The following IRF2 variants were observed in gnomAD, a reference collection of about 807,000 sequenced individuals.
The protein encoded by IRF2 is interferon regulatory factor 2.
A neutral mutation model predicts 40.6 loss-of-function variants in IRF2; 15 were observed. The ratio of observed to expected loss-of-function variants is 0.37; its 90% CI spans 0.25 to 0.57. IRF2 has a LOEUF of 0.57. Ranked by LOEUF, IRF2 falls within the 20% of genes least tolerant of loss-of-function variation. The probability of loss-of-function intolerance (pLI) is 0.77; values close to 1 mark genes in which losing one functional copy is unlikely to be tolerated. For synonymous variants in IRF2, 151 were observed against 165.5 expected (o/e 0.91, Z 0.67); for missense variants, 317 against 455.7 (o/e 0.70, Z 2.77).
chr4:184,411,552 C>T (rs1205786411), intron 5 of IRF2, among the ~76,000 whole-genome samples: 2 of 152,166 alleles, frequency 1.3e-5, no homozygotes, highest in African/African-American at 4.8e-5. Context: ...TCTGGACAGA[C>T]AGTACAGTCA....
chr4:184,424,936 A>G (rs10011243), intron 2 of IRF2, among the ~76,000 whole-genome samples: 102,605 of 152,096 alleles, frequency 0.67, 34,774 homozygotes, highest in South Asian at 0.72. Flanking sequence ...TCCCCTTCAA[A>G]TCCATGACAT....
intron 6 of IRF2, among the ~76,000 whole-genome samples, chr4:184,406,295 T>C (rs1579811173): frequency 1.3e-5 from 2 of 151,046 alleles, no homozygotes; most frequent in South Asian, 4.2e-4. Flanking sequence ...AGTGGTGCCA[T>C]CTTGGCTCAC....
rs1737140579 is a variant in IRF2, at chr4:184,413,241, C to T, written c.411+4926G>A. ...AAAGGCCTCCCTTACATATCAATTC[C>T]CGCCTGCTCTAAGTGTGCTACAAGG... On this transcript the variant is annotated intron_variant, in intron 5 of 8. Coordinates refer to ENST00000393593, the MANE Select transcript of IRF2 (RefSeq NM_002199.4). The surrounding 1 kb of genome is among the most constrained non-coding windows in gnomAD (Gnocchi z 4.2). Among the ~76,000 whole-genome samples, 1 of 152,182 alleles carries T rather than the reference C, an allele frequency of 6.6e-6. No individual in the cohort carries two copies. The highest frequency in any genetic ancestry group is 1.5e-5 in the Non-Finnish European group (1 of 68,024).
intron 1 of IRF2, among the ~76,000 whole-genome samples, chr4:184,462,770 C>A (rs984182758): frequency 6.6e-5 from 10 of 152,192 alleles, no homozygotes; most frequent in African/African-American, 2.2e-4. Flanking sequence ...AGTAACAAAT[C>A]CTAATGCAAA....
chr4:184,408,033 G>C lies in IRF2; in HGVS notation c.529+125C>G. 3.3e-6 allele frequency: 2 copies of C among 601,460 alleles called. No homozygotes were observed. The highest frequency in any genetic ancestry group is 2.9e-5 in the Admixed American group (1 of 34,224). The allele number at this position is 601,460 out of a possible 1,614,324, so 37.3% of individuals were successfully genotyped here. ...CCTTGAAATCTGGGGGCTGGAACTTGCATTCTGAGATGATTCCAAGACCTC... is the reference window on the plus strand; with the variant it reads ...CCTTGAAATCTGGGGGCTGGAACTTCCATTCTGAGATGATTCCAAGACCTC... On this transcript the variant is annotated intron_variant, in intron 6 of 8. Transcript: ENST00000393593. This position sits in a 1 kb window ranked among gnomAD's most constrained non-coding sequence, Gnocchi z 4.9.
At chr4:184,441,682 T>A (rs551719351) in intron 1 of IRF2, among the ~76,000 whole-genome samples, 1 of 152,272 alleles carries the variant, frequency 6.6e-6, no homozygotes, top group South Asian at 2.1e-4. Flanking sequence ...GTTGTCAATA[T>A]CCTCCACCAT....
In IRF2 at chr4:184,388,803, G is replaced by C; in HGVS notation, c.1005C>G (p.Ile335Met). 1 of 1,613,632 alleles carries C rather than the reference G, an allele frequency of 6.2e-7. No individual in the cohort carries two copies. The highest frequency in any genetic ancestry group is 8.5e-7 in the Non-Finnish European group (1 of 1,180,018). The part of the protein sequence containing the change: ...RPDRETRASV[I>M]KKTSDITQAR... ...CCTGGGTGATATCCGATGTTTTCTT[G>C]ATGACGCTGGCCCGGGTCTCCCGGT... Residue 335 changes from isoleucine (I) to methionine (M), a missense_variant, in exon 9 of 9, where the codon ATC (isoleucine) becomes ATG (methionine). This residue lies in a region of IRF2 where 262 missense variants were observed against 334.0 expected (regional missense o/e 0.78). Transcript: ENST00000393593. The surrounding 1 kb of genome is among the most constrained non-coding windows in gnomAD (Gnocchi z 4.6).
chr4:184,389,802 T>G (rs1736188434), intron 8 of IRF2, among the ~76,000 whole-genome samples: 1 of 152,170 alleles, frequency 6.6e-6, no homozygotes, highest in Non-Finnish European at 1.5e-5. Flanking sequence ...CCAGTCAACC[T>G]GAGCCAACCT....
intron 6 of IRF2, chr4:184,407,160 C>CA (rs1186554664): frequency 5.4e-6 from 7 of 1,286,778 alleles, no homozygotes; most frequent in East Asian, 5.6e-5. Context: ...GGTTTAAATA[C>CA]AAAAAAAGCA....
chr4:184,447,893 G>C (rs528479211), intron 1 of IRF2, among the ~76,000 whole-genome samples: 15 of 152,240 alleles, frequency 9.9e-5, no homozygotes, highest in Non-Finnish European at 2.2e-4. Flanking sequence ...CCTGCTGCAA[G>C]GGACATGACT....
At chr4:184,427,176 G>A (rs188136296) in intron 2 of IRF2, among the ~76,000 whole-genome samples, 224 of 152,320 alleles carry the variant, frequency 1.5e-3, no homozygotes, top group African/African-American at 5.1e-3. Context: ...TTTGGAAGAA[G>A]CTGATTACAT....
chr4:184,445,916 TCA>T (rs1738490846), intron 1 of IRF2, among the ~76,000 whole-genome samples: 1 of 151,242 alleles, frequency 6.6e-6, no homozygotes, highest in African/African-American at 2.4e-5. Context: ...TTAAACGAGG[TCA>T]TACCAGATTA....
At chr4:184,390,061 C>CTAAT (rs1736199690) in intron 8 of IRF2, among the ~76,000 whole-genome samples, 2 of 152,234 alleles carry the variant, frequency 1.3e-5, no homozygotes, top group African/African-American at 4.8e-5. Flanking sequence ...TGGGAAACCA[C>CTAAT]TAATTCAAAC....
At chr4:184,432,081 G>A (rs1353050366) in intron 1 of IRF2, 1 of 152,196 alleles carries the variant, frequency 6.6e-6, no homozygotes, top group Non-Finnish European at 1.5e-5. Flanking sequence ...GTAAAGCAAA[G>A]CACCAAGACA....
intron 7 of IRF2, among the ~76,000 whole-genome samples, chr4:184,392,246 T>C (rs546750747): frequency 6.6e-6 from 1 of 152,330 alleles, no homozygotes; most frequent in African/African-American, 2.4e-5. Flanking sequence ...AAAGAGTAAC[T>C]GCAATAGCTT....
At chr4:184,453,230 T>G (rs1266385124) in intron 1 of IRF2, among the ~76,000 whole-genome samples, 1 of 152,174 alleles carries the variant, frequency 6.6e-6, no homozygotes, top group African/African-American at 2.4e-5. Context: ...CTAGAAAAAT[T>G]TATGCAAGGC....
intron 1 of IRF2, 121 bp from the exon 2 acceptor site, chr4:184,429,191 G>A (rs1737782339): frequency 3.0e-6 from 2 of 671,848 alleles, no homozygotes; most frequent in Non-Finnish European, 5.2e-6. Flanking sequence ...GGGACCAGGG[G>A]GCTGGGGGGT....
intron 1 of IRF2, among the ~76,000 whole-genome samples, chr4:184,452,798 G>GAAAAAAAAAAAAAAAAAA (rs1579104870): frequency 8.1e-6 from 1 of 123,000 alleles, no homozygotes; most frequent in Non-Finnish European, 1.6e-5. Context: ...AAAAAAAAGG[G>GAAAAAAAAAAAAAAAAAA]AAAGAAAGAA....
chr4:184,455,894 C>T (rs1738907365), intron 1 of IRF2, among the ~76,000 whole-genome samples: 1 of 152,182 alleles, frequency 6.6e-6, no homozygotes, highest in Non-Finnish European at 1.5e-5. Flanking sequence ...TCGCTGTGTG[C>T]CAAGCATTAT....
Sources: gnomAD v4.1 joint callset for allele counts (sites outside exome capture counted in the v4.1 genomes callset) on GRCh38, gnomAD v4.1.1 for gene constraint, gnomAD v4.1.1 regional missense constraint, Gnocchi (gnomAD v3.1) non-coding constraint, MANE v1.5 for transcripts, NCBI Gene and HGNC (gene_info 2026-07-23, HGNC 2026-07-21) for gene names.